Variants in MGAT4D observed in about 807,000 individuals in gnomAD.
The protein encoded by MGAT4D is alpha-1,3-mannosyl-glycoprotein 4-beta-N-acetylglucosaminyltransferase-like protein MGAT4D.
Under a neutral mutation model 15.9 loss-of-function variants are expected in MGAT4D, and 34 were observed. The ratio of observed to expected loss-of-function variants is 2.14; its 90% CI spans 1.62 to 2.84. The LOEUF (loss-of-function observed/expected upper bound fraction) is 2.84, where lower values mean the gene tolerates loss of function less well. Among genes scored for constraint, MGAT4D ranks in the 30% most tolerant of loss-of-function variants. MGAT4D has a pLI of 0.00. For missense variants in MGAT4D, 327 were observed against 140.2 expected (o/e 2.33, Z -6.73); for synonymous variants, 112 against 48.2 (o/e 2.33, Z -5.49).
chr4:140,450,540 C>T (rs926652031), intron 10 of MGAT4D, among the ~76,000 whole-genome samples: 1 of 152,184 alleles, frequency 6.6e-6, no homozygotes, highest in Non-Finnish European at 1.5e-5. Context: ...CAACAGCTAA[C>T]ATTTACTGAG....
At chr4:140,451,593 T>G in intron 9 of MGAT4D, 76 bp from the exon 10 acceptor site, 2 of 412,956 alleles carry the variant, frequency 4.8e-6, no homozygotes, top group East Asian at 3.6e-5. Flanking sequence ...TGGTAGAATT[T>G]TTATATATTA....
chr4:140,495,171 C>T (rs1490956593), intron 1 of MGAT4D, among the ~76,000 whole-genome samples: 1 of 152,266 alleles, frequency 6.6e-6, no homozygotes, highest in Non-Finnish European at 1.5e-5. Flanking sequence ...CACCGCAGGG[C>T]CTTTGTACTT....
intron 10 of MGAT4D, 142 bp from the exon 11 acceptor site, chr4:140,443,586 G>T: frequency 3.2e-6 from 1 of 310,588 alleles, no homozygotes; most frequent in Non-Finnish European, 5.8e-6. Flanking sequence ...ATATAGAGAA[G>T]GTAACTTTAT....
At chr4:140,497,332 T>A (rs1039244096) in intron 1 of MGAT4D, among the ~76,000 whole-genome samples, 1 of 152,136 alleles carries the variant, frequency 6.6e-6, no homozygotes, top group African/African-American at 2.4e-5. Context: ...CGCGGACAAC[T>A]AGGGTTAAAA....
chr4:140,462,202 A>G (rs973118252), intron 6 of MGAT4D, among the ~76,000 whole-genome samples, 198 bp from the exon 7 acceptor site: 2 of 152,168 alleles, frequency 1.3e-5, no homozygotes, highest in African/African-American at 4.8e-5. Flanking sequence ...TATTCAATGA[A>G]CAGTGTCTAC....
chr4:140,496,865 A>G (rs1335934597), intron 1 of MGAT4D, among the ~76,000 whole-genome samples: 1 of 152,066 alleles, frequency 6.6e-6, no homozygotes, highest in Non-Finnish European at 1.5e-5. Context: ...AAAACTTTAC[A>G]TTTTGCTTTC....
intron 1 of MGAT4D, among the ~76,000 whole-genome samples, chr4:140,489,598 G>A (rs1211835674): frequency 2.0e-5 from 3 of 151,948 alleles, no homozygotes; most frequent in Non-Finnish European, 4.4e-5. Flanking sequence ...ACTTACACTT[G>A]GTTTTATACC....
chr4:140,445,253 T>C (rs909752551), intron 10 of MGAT4D, among the ~76,000 whole-genome samples: 1 of 152,140 alleles, frequency 6.6e-6, no homozygotes, highest in Non-Finnish European at 1.5e-5. Flanking sequence ...TGGTTTGGGT[T>C]TAGTTTGCAT....
At chr4:140,488,665 T>A (rs1307956110) in intron 1 of MGAT4D, among the ~76,000 whole-genome samples, 3 of 152,130 alleles carry the variant, frequency 2.0e-5, no homozygotes, top group Non-Finnish European at 4.4e-5. Context: ...ACACCATAAG[T>A]GCATAGAGTG....
intron 10 of MGAT4D, among the ~76,000 whole-genome samples, chr4:140,445,060 T>TA (rs1730029547): frequency 6.6e-6 from 1 of 152,076 alleles, no homozygotes; most frequent in Non-Finnish European, 1.5e-5. Flanking sequence ...GTTTGTATTT[T>TA]TTTTAGTAGA....
intron 10 of MGAT4D, among the ~76,000 whole-genome samples, chr4:140,446,743 GTTTTTTTTTTTTTTTTTTTTT>G (rs149442061): frequency 0.02 from 165 of 8,172 alleles, 6 homozygotes; most frequent in Middle Eastern, 0.056. Flanking sequence ...TGCTTCTCTA[GTTTTTTTTTTTTTTTTTTTTT>G]TTTTTTTTTT....
chr4:140,475,660 CA>C (rs1162390812), intron 3 of MGAT4D, among the ~76,000 whole-genome samples: 421 of 52,856 alleles, frequency 8.0e-3, no homozygotes, highest in African/African-American at 0.011. Context: ...AATAAAACTG[CA>C]AAAAAAAAAA....
At chr4:140,477,308 C>T (rs141738110) in intron 3 of MGAT4D, among the ~76,000 whole-genome samples, 3 of 152,304 alleles carry the variant, frequency 2.0e-5, no homozygotes, top group Admixed American at 6.5e-5. Flanking sequence ...TATCACAGCA[C>T]CAGTCACTTT....
intron 4 of MGAT4D, among the ~76,000 whole-genome samples, chr4:140,473,694 G>A (rs1241277304): frequency 2.0e-5 from 3 of 152,008 alleles, no homozygotes; most frequent in African/African-American, 7.2e-5. Flanking sequence ...GTTTTTGTTT[G>A]CTTGTTCATT....
chr4:140,481,450 T>C (rs908105678), intron 2 of MGAT4D, among the ~76,000 whole-genome samples: 3 of 152,218 alleles, frequency 2.0e-5, no homozygotes, highest in Non-Finnish European at 2.9e-5. Flanking sequence ...TCAATCCTAC[T>C]TCTACATATG....
intron 3 of MGAT4D, among the ~76,000 whole-genome samples, chr4:140,478,996 G>A (rs1732521918): frequency 1.3e-5 from 2 of 152,176 alleles, no homozygotes; most frequent in Admixed American, 1.3e-4. Context: ...TATAGGAAAG[G>A]CAGGTATCCT....
At position 140,462,009 on chromosome 4, in the gene MGAT4D, A is replaced by G. The variant is rs1372022085; in HGVS notation, c.687-5T>C. 3 of 700,762 alleles carry G rather than the reference A, an allele frequency of 4.3e-6. No individual in the cohort carries two copies. The highest frequency in any genetic ancestry group is 7.8e-6 in the Non-Finnish European group (3 of 383,882). 43.4% of individuals were successfully genotyped at this position (700,762 alleles called of 1,614,324 possible). On this transcript the variant is annotated splice_polypyrimidine_tract_variant and splice_region_variant and intron_variant, in intron 6 of 10. Coordinates refer to ENST00000511113, the MANE Select transcript of MGAT4D (RefSeq NM_001277353.2). ...AATACCTGTTTGATTCGCCAACTAA[A>G]GGTAATCAATAAGATCTGTTAATAT...
intron 5 of MGAT4D, among the ~76,000 whole-genome samples, chr4:140,468,113 T>C (rs922548474): frequency 6.9e-5 from 10 of 145,170 alleles, no homozygotes; most frequent in Admixed American, 5.6e-4. Context: ...TATTAAATAG[T>C]GAATATTCAC....
chr4:140,475,519 G>A (rs1732251703), intron 3 of MGAT4D, among the ~76,000 whole-genome samples: 1 of 151,892 alleles, frequency 6.6e-6, no homozygotes, highest in Non-Finnish European at 1.5e-5. Context: ...AACTATACTG[G>A]TACCTGGCCA....
Sources: allele counts gnomAD v4.1 joint callset (sites outside exome capture counted in the v4.1 genomes callset), GRCh38; gene constraint gnomAD v4.1.1; transcripts MANE v1.5; gene names NCBI Gene and HGNC (gene_info 2026-07-23, HGNC 2026-07-21).